MAGI1: variants seen among roughly 807,000 people sequenced by gnomAD.
MAGI1 encodes the protein membrane-associated guanylate kinase, WW and PDZ domain-containing protein 1.
MAGI1 carries 58 observed loss-of-function variants against 139.9 expected under a neutral mutation model. The ratio of observed to expected loss-of-function variants is 0.41; its 90% CI spans 0.34 to 0.52. MAGI1 has a LOEUF of 0.52. Among genes scored for constraint, MAGI1 ranks in the 20% least tolerant of loss-of-function variants. MAGI1 has a pLI of 0.12. For synonymous variants in MAGI1, 812 were observed against 737.9 expected, an observed-to-expected ratio of 1.10 and a Z score of -1.63; for missense variants, 1,874 against 1,901.6, an observed-to-expected ratio of 0.99 and a Z score of 0.27.
intron 1 of MAGI1, among the ~76,000 whole-genome samples, chr3:65,681,779 A>C (rs915196023): frequency 6.6e-6 from 1 of 152,264 alleles, no homozygotes; most frequent in Non-Finnish European, 1.5e-5. Flanking sequence ...CTTAAGAATT[A>C]GATGCCCAAG....
chr3:65,584,090 A>AG (rs2081563480), intron 2 of MAGI1, among the ~76,000 whole-genome samples: 1 of 151,000 alleles, frequency 6.6e-6, no homozygotes, highest in African/African-American at 2.4e-5. Context: ...ACTCTTGAAA[A>AG]AAAAAAAAAA....
At chr3:65,888,392 G>A (rs978982487) in intron 1 of MAGI1, among the ~76,000 whole-genome samples, 4 of 152,196 alleles carry the variant, frequency 2.6e-5, no homozygotes, top group Non-Finnish European at 5.9e-5. Context: ...TATATGTCTA[G>A]CATTGGCAAC....
rs144454495 is a variant in MAGI1 at position 65,847,844 on chromosome 3, C to G, written c.313+190152G>C. 3.8e-4 allele frequency among the ~76,000 whole-genome samples: 58 copies of G among 152,308 alleles called. No homozygotes were observed. In the East Asian group the frequency reaches 6.9e-3, roughly 18 times the overall value. On this transcript the variant is annotated intron_variant, in intron 1 of 22. Transcript: ENST00000402939. ...CTCAGCCTAACTAAGGAATTTGTCT[C>G]ACGTCACAGAAATAGCAGAGCTGGG...
At chr3:65,360,856 T>C (rs577956532) in intron 22 of MAGI1, 3 of 1,162,178 alleles carry the variant, frequency 2.6e-6, no homozygotes, top group East Asian at 8.7e-5. Flanking sequence ...AAAAGGAGTA[T>C]ATAGTCATTT....
At chr3:65,580,774 ATTTT>A (rs1198090699) in intron 2 of MAGI1, among the ~76,000 whole-genome samples, 14 of 152,138 alleles carry the variant, frequency 9.2e-5, no homozygotes, top group Non-Finnish European at 1.9e-4. Flanking sequence ...AGAATCACAG[ATTTT>A]TTTGTCAGTT....
chr3:65,456,687 T>C (rs1949413891), intron 5 of MAGI1, among the ~76,000 whole-genome samples: 1 of 152,178 alleles, frequency 6.6e-6, no homozygotes, highest in Non-Finnish European at 1.5e-5. Context: ...TTGGGGTTAA[T>C]TTTTTGGTAT....
chr3:65,758,556 G>C (rs543748945), intron 1 of MAGI1, among the ~76,000 whole-genome samples: 1 of 152,152 alleles, frequency 6.6e-6, no homozygotes, highest in South Asian at 2.1e-4. Context: ...TATTCCCAAA[G>C]CAGCGGTTCT....
At chr3:65,819,301 A>AAAC (rs147559291) in intron 1 of MAGI1, among the ~76,000 whole-genome samples, 2 of 152,114 alleles carry the variant, frequency 1.3e-5, no homozygotes, top group Non-Finnish European at 2.9e-5. Flanking sequence ...ACAAACAAAC[A>AAAC]AACAACAACA....
At chr3:65,735,302 G>C (rs6793722) in intron 1 of MAGI1, among the ~76,000 whole-genome samples, 4,677 of 151,814 alleles carry the variant, frequency 0.031, 239 homozygotes, top group African/African-American at 0.11. Flanking sequence ...AGGATTTTTG[G>C]GGGGGTTCTC....
At chr3:65,644,639 T>C (rs1436383768) in intron 1 of MAGI1, among the ~76,000 whole-genome samples, 1 of 152,090 alleles carries the variant, frequency 6.6e-6, no homozygotes, top group Non-Finnish European at 1.5e-5. Flanking sequence ...AAAGCTCAGT[T>C]GATAGGCTCG....
intron 1 of MAGI1, among the ~76,000 whole-genome samples, chr3:65,880,663 G>A (rs1189087059): frequency 6.6e-6 from 1 of 152,110 alleles, no homozygotes; most frequent in Non-Finnish European, 1.5e-5. Context: ...ATAAACGGCT[G>A]ACAACTAGAT....
intron 13 of MAGI1, among the ~76,000 whole-genome samples, chr3:65,397,633 A>G (rs1317210256): frequency 1.3e-5 from 2 of 151,728 alleles, no homozygotes; most frequent in African/African-American, 4.8e-5. Context: ...GTGGTTTCCT[A>G]TGTTGCCTAG....
rs115171633 is a variant in MAGI1, at chr3:65,591,995, A to C, written c.430+29977T>G. ...TCCCTCGTATAATGTCCCACCTTCT[A>C]ATATACGAAATGATTCACTCAACTA... On this transcript the variant is annotated intron_variant, in intron 2 of 22. Coordinates refer to ENST00000402939, the MANE Select transcript of MAGI1 (RefSeq NM_001033057.2). Among the ~76,000 whole-genome samples, 1,027 of 152,268 alleles carry C rather than the reference A, an allele frequency of 6.7e-3. 2 individuals carry two copies. The highest frequency in any genetic ancestry group is 0.011 in the Non-Finnish European group (750 of 68,030).
intron 1 of MAGI1, among the ~76,000 whole-genome samples, chr3:65,878,178 T>C (rs2060189548): frequency 6.6e-6 from 1 of 151,630 alleles, no homozygotes; most frequent in Admixed American, 6.6e-5. Flanking sequence ...TGGCAAAACC[T>C]CACCTAACAC....
chr3:66,002,622 C>T (rs1224979647), intron 1 of MAGI1, among the ~76,000 whole-genome samples: 3 of 152,122 alleles, frequency 2.0e-5, no homozygotes, highest in Admixed American at 6.5e-5. Context: ...TAGAGGGATT[C>T]TCCTGCCTGA....
chr3:65,924,809 G>A (rs562593155), intron 1 of MAGI1: 4 of 152,360 alleles, frequency 2.6e-5, no homozygotes, highest in East Asian at 3.9e-4. Flanking sequence ...GGGAATTTAC[G>A]AGTTAATCCA....
At chr3:65,478,025 T>G (rs1035220335) in intron 4 of MAGI1, among the ~76,000 whole-genome samples, 11 of 152,150 alleles carry the variant, frequency 7.2e-5, no homozygotes, top group Middle Eastern at 3.4e-3. Flanking sequence ...TATATAGATA[T>G]AATGTTAGAA....
intron 1 of MAGI1, among the ~76,000 whole-genome samples, chr3:65,866,351 C>CTTT (rs60871707): frequency 2.7e-4 from 36 of 133,260 alleles, no homozygotes; most frequent in Admixed American, 6.8e-4. Flanking sequence ...GTGCCTACTT[C>CTTT]TTTTTTTTTT....
At chr3:65,865,544 A>G (rs954848363) in intron 1 of MAGI1, among the ~76,000 whole-genome samples, 1 of 151,998 alleles carries the variant, frequency 6.6e-6, no homozygotes, top group African/African-American at 2.4e-5. Context: ...GCACTGAGCC[A>G]AGATCACACC....
Sources: gnomAD v4.1 joint callset for allele counts (sites outside exome capture counted in the v4.1 genomes callset) on GRCh38, gnomAD v4.1.1 for gene constraint, MANE v1.5 for transcripts, NCBI Gene and HGNC (gene_info 2026-07-23, HGNC 2026-07-21) for gene names.